MLIP: variants seen among roughly 807,000 people sequenced by gnomAD.
MLIP encodes the protein muscular LMNA-interacting protein.
A neutral mutation model predicts 84.8 loss-of-function variants in MLIP; 79 were observed. That is an observed-to-expected ratio of 0.93 (90% CI 0.78 to 1.12). The LOEUF is 1.12. MLIP is among the 50% of genes most tolerant of loss of function. The pLI is 0.00. For synonymous variants in MLIP, 504 were observed against 463.0 expected, an observed-to-expected ratio of 1.09 and a Z score of -1.14; for missense variants, 1,257 against 1,160.6, an observed-to-expected ratio of 1.08 and a Z score of -1.21.
chr6:54,200,122 A>G (rs959682040), intron 10 of MLIP, among the ~76,000 whole-genome samples: 2 of 152,146 alleles, frequency 1.3e-5, no homozygotes, highest in East Asian at 1.9e-4. Context: ...CTGATATCCA[A>G]CCAACCAGAA....
chr6:54,252,538 GATA>G (rs1022189575), intron 12 of MLIP, among the ~76,000 whole-genome samples: 117 of 142,792 alleles, frequency 8.2e-4, no homozygotes, highest in Non-Finnish European at 8.4e-4. Flanking sequence ...TATAGATAAT[GATA>G]ATAAATATAA....
intron 9 of MLIP, among the ~76,000 whole-genome samples, chr6:54,182,717 T>C (rs1403996104): frequency 1.3e-5 from 2 of 152,214 alleles, no homozygotes; most frequent in African/African-American, 4.8e-5. Flanking sequence ...GTTTATCATT[T>C]TTTACTAACT....
At position 54,134,897 on chromosome 6, in the gene MLIP, C is replaced by T. The variant is rs9395906; in HGVS notation, c.646-1818C>T. 6.7e-4 allele frequency among the ~76,000 whole-genome samples: 102 copies of T among 152,042 alleles called. No homozygotes were observed. The East Asian group carries it at 0.011, about 16-fold the overall frequency. ...AGGCATAGTACAACATGCAAAGACA[C>T]ACTACACAGTCTAGAAATGTTTCTA... is the stretch of plus-strand genomic sequence containing the variant. On this transcript the variant is annotated intron_variant, in intron 3 of 13. Transcript: ENST00000502396.
chr6:54,094,215 TAA>T (rs1768054777), intron 1 of MLIP, among the ~76,000 whole-genome samples: 1 of 152,030 alleles, frequency 6.6e-6, no homozygotes, highest in African/African-American at 2.4e-5. Flanking sequence ...TGATATTGCC[TAA>T]GTTTTTCCTT....
At chr6:54,096,636 C>T (rs535633113) in intron 1 of MLIP, among the ~76,000 whole-genome samples, 1 of 152,214 alleles carries the variant, frequency 6.6e-6, no homozygotes, top group Admixed American at 6.5e-5. Context: ...CCCAATTAGC[C>T]CAGGCTCCAT....
At chr6:54,156,683 C>A (rs1290935212) in intron 5 of MLIP, among the ~76,000 whole-genome samples, 2 of 152,028 alleles carry the variant, frequency 1.3e-5, no homozygotes, top group Admixed American at 6.6e-5. Flanking sequence ...CATATTACTT[C>A]TATGATTCAT....
At chr6:54,076,853 C>T (rs573275100) in intron 1 of MLIP, among the ~76,000 whole-genome samples, 13 of 151,710 alleles carry the variant, frequency 8.6e-5, no homozygotes, top group Non-Finnish European at 1.8e-4. Context: ...GTAAGATTTG[C>T]CAGAGGCCAG....
chr6:54,172,775 A>G (rs1429298849), intron 9 of MLIP, among the ~76,000 whole-genome samples: 2 of 151,516 alleles, frequency 1.3e-5, no homozygotes, highest in African/African-American at 4.8e-5. Context: ...TTGGGTCTTT[A>G]TTGCACGTAT....
intron 1 of MLIP, among the ~76,000 whole-genome samples, chr6:54,103,373 C>T (rs1172633743): frequency 6.6e-6 from 1 of 152,130 alleles, no homozygotes; most frequent in Non-Finnish European, 1.5e-5. Context: ...TATCCCAGGG[C>T]AATAATTTAT....
chr6:54,213,739 A>ACAG (rs1282562330), intron 11 of MLIP, among the ~76,000 whole-genome samples: 4 of 144,498 alleles, frequency 2.8e-5, no homozygotes, highest in Non-Finnish European at 4.6e-5. Context: ...AAAAAAAACA[A>ACAG]CAAACAGCAT....
chr6:54,112,432 A>G (rs969329556), intron 1 of MLIP, among the ~76,000 whole-genome samples: 1 of 152,210 alleles, frequency 6.6e-6, no homozygotes, highest in Non-Finnish European at 1.5e-5. Context: ...TAAGTTAAGG[A>G]TGCTAGGTAA....
chr6:54,145,794 CA>C (rs796451161), intron 4 of MLIP, among the ~76,000 whole-genome samples: 7,879 of 126,656 alleles, frequency 0.062, 739 homozygotes, highest in African/African-American at 0.21. Flanking sequence ...CCCTCCCCCA[CA>C]AAAAAAAAAA....
intron 12 of MLIP, among the ~76,000 whole-genome samples, chr6:54,247,914 T>G (rs1289177384): frequency 6.6e-6 from 1 of 152,090 alleles, no homozygotes; most frequent in Non-Finnish European, 1.5e-5. Flanking sequence ...CCTATTTATT[T>G]TCTTAAATAC....
At chr6:54,187,525 G>T (rs1246902106) in intron 9 of MLIP, among the ~76,000 whole-genome samples, 1 of 152,280 alleles carries the variant, frequency 6.6e-6, no homozygotes, top group Non-Finnish European at 1.5e-5. Flanking sequence ...ACTTCTAGAA[G>T]TGAAAAGTCA....
intron 1 of MLIP, among the ~76,000 whole-genome samples, chr6:54,051,361 A>T (rs774524116): frequency 1.1e-4 from 17 of 151,952 alleles, no homozygotes; most frequent in Non-Finnish European, 2.4e-4. Context: ...TCAAATATTA[A>T]TTTTTTCTTT....
At chr6:54,212,184 C>A (rs1389201624) in intron 11 of MLIP, among the ~76,000 whole-genome samples, 2 of 152,126 alleles carry the variant, frequency 1.3e-5, no homozygotes, top group African/African-American at 2.4e-5. Context: ...GGTTCCAAGA[C>A]AATCAACTAA....
At chr6:54,158,713 A>G (rs1010148275) in intron 5 of MLIP, among the ~76,000 whole-genome samples, 1 of 152,132 alleles carries the variant, frequency 6.6e-6, no homozygotes, top group Non-Finnish European at 1.5e-5. Context: ...CTCATAAAAA[A>G]AAGTGGGGGA....
chr6:54,074,449 G>A (rs1324609203), intron 1 of MLIP, among the ~76,000 whole-genome samples: 1 of 151,926 alleles, frequency 6.6e-6, no homozygotes, highest in Non-Finnish European at 1.5e-5. Flanking sequence ...TTTAAAAAAC[G>A]AAGACCTTTT....
intron 1 of MLIP, among the ~76,000 whole-genome samples, chr6:54,086,352 A>AGT (rs1366978713): frequency 6.6e-6 from 1 of 152,152 alleles, no homozygotes; most frequent in Non-Finnish European, 1.5e-5. Context: ...ACAATTGAAC[A>AGT]GTGGTTCTTT....
Sources: allele counts gnomAD v4.1 joint callset (sites outside exome capture counted in the v4.1 genomes callset), GRCh38; gene constraint gnomAD v4.1.1; transcripts MANE v1.5; gene names NCBI Gene and HGNC (gene_info 2026-07-23, HGNC 2026-07-21).